RPS6KC1: variants seen among roughly 807,000 people sequenced by gnomAD.
RPS6KC1 encodes ribosomal protein S6 kinase C1, also known as inactive ribosomal protein S6 kinase delta-1.
A neutral mutation model predicts 103.8 loss-of-function variants in RPS6KC1; 54 were observed. The observed-to-expected ratio is 0.52, with a 90% CI of 0.42 to 0.65. The LOEUF is 0.65. RPS6KC1 is among the 30% of genes least tolerant of loss of function. The pLI is 0.00. For synonymous variants in RPS6KC1, 439 were observed against 438.7 expected, an observed-to-expected ratio of 1.00 and a Z score of -0.01; for missense variants, 1,151 against 1,253.8, an observed-to-expected ratio of 0.92 and a Z score of 1.24.
chr1:213,177,573 CA>C (rs1324942288), intron 8 of RPS6KC1, among the ~76,000 whole-genome samples: 1 of 152,136 alleles, frequency 6.6e-6, no homozygotes, highest in Non-Finnish European at 1.5e-5. Context: ...TCATTTTTCT[CA>C]AATTCATATT....
At chr1:213,542,623 C>G in the RPS6KC1 span, among the ~76,000 whole-genome samples, 2 of 152,184 alleles carry the variant, frequency 1.3e-5, no homozygotes, top group Non-Finnish European at 2.9e-5. Flanking sequence ...CATGAAAAAA[C>G]TAGGCATACT....
the RPS6KC1 span, among the ~76,000 whole-genome samples, chr1:213,385,864 A>G: frequency 6.6e-6 from 1 of 152,196 alleles, no homozygotes; most frequent in African/African-American, 2.4e-5. Flanking sequence ...GTGGCCTTCC[A>G]GGAAGACAGT....
At chr1:213,438,880 G>C in the RPS6KC1 span, among the ~76,000 whole-genome samples, 2 of 144,888 alleles carry the variant, frequency 1.4e-5, no homozygotes, top group African/African-American at 5.1e-5. Flanking sequence ...TGCAAGCTCC[G>C]CCTCCCGGGT....
At chr1:213,811,824 A>G in the RPS6KC1 span, among the ~76,000 whole-genome samples, 1 of 152,214 alleles carries the variant, frequency 6.6e-6, no homozygotes, top group African/African-American at 2.4e-5. Flanking sequence ...CTCTGTAGGA[A>G]ATGAGGAGCC....
the RPS6KC1 span, among the ~76,000 whole-genome samples, chr1:213,376,311 T>C: frequency 6.6e-6 from 1 of 152,214 alleles, no homozygotes; most frequent in African/African-American, 2.4e-5. Context: ...AAAATCTTTG[T>C]AAATTGCATT....
At chr1:213,705,553 A>T in the RPS6KC1 span, among the ~76,000 whole-genome samples, 1 of 152,346 alleles carries the variant, frequency 6.6e-6, no homozygotes, top group South Asian at 2.1e-4. Flanking sequence ...AGGTCCAGGA[A>T]TGCCATCCAA....
intron 6 of RPS6KC1, among the ~76,000 whole-genome samples, chr1:213,138,721 G>A (rs2086666948): frequency 6.6e-6 from 1 of 152,174 alleles, no homozygotes; most frequent in Admixed American, 6.5e-5. Context: ...GTATTCTGTA[G>A]TATATCTGTA....
the RPS6KC1 span, among the ~76,000 whole-genome samples, chr1:213,399,680 C>T: frequency 2.6e-5 from 4 of 152,114 alleles, no homozygotes; most frequent in African/African-American, 9.7e-5. Flanking sequence ...CCAGACCATC[C>T]TGCTCTTTCA....
At chr1:213,171,421 C>A (rs2091468735) in intron 7 of RPS6KC1, among the ~76,000 whole-genome samples, 1 of 150,646 alleles carries the variant, frequency 6.6e-6, no homozygotes, top group South Asian at 2.1e-4. Context: ...AAGAAGCTTT[C>A]CCTGGAAAAG....
intron 1 of RPS6KC1, among the ~76,000 whole-genome samples, chr1:213,056,886 A>G (rs145761531): frequency 1.4e-4 from 20 of 138,240 alleles, no homozygotes; most frequent in Admixed American, 8.4e-4. Flanking sequence ...GTTGCTCTCT[A>G]TATGTCTTGT....
At chr1:213,831,029 G>T in the RPS6KC1 span, among the ~76,000 whole-genome samples, 2 of 152,136 alleles carry the variant, frequency 1.3e-5, no homozygotes, top group African/African-American at 4.8e-5. Context: ...TAAAGTTCCT[G>T]CATGCCAGAG....
At chr1:213,504,773 T>C in the RPS6KC1 span, among the ~76,000 whole-genome samples, 2 of 152,174 alleles carry the variant, frequency 1.3e-5, no homozygotes, top group Non-Finnish European at 2.9e-5. Context: ...GGGCAACTTG[T>C]TTTTTTCCCC....
At chr1:213,664,699 C>T in the RPS6KC1 span, among the ~76,000 whole-genome samples, 2 of 152,194 alleles carry the variant, frequency 1.3e-5, no homozygotes, top group Non-Finnish European at 2.9e-5. Context: ...ATGCCCCTGC[C>T]TGGTCCATGT....
chr1:213,081,908 T>G (rs2079927155), intron 3 of RPS6KC1, among the ~76,000 whole-genome samples: 1 of 152,164 alleles, frequency 6.6e-6, no homozygotes, highest in African/African-American at 2.4e-5. Flanking sequence ...ATGAGGGGCC[T>G]GAGCTAGAGC....
chr1:213,775,554 T>A, the RPS6KC1 span, among the ~76,000 whole-genome samples: 1 of 152,222 alleles, frequency 6.6e-6, no homozygotes, highest in South Asian at 2.1e-4. Flanking sequence ...AATACCTTAA[T>A]TTTAAAATAC....
chr1:213,813,076 C>A, the RPS6KC1 span, among the ~76,000 whole-genome samples: 95 of 152,142 alleles, frequency 6.2e-4, 4 homozygotes, highest in South Asian at 0.02. Context: ...CATGGTGAAA[C>A]CCCGTCTCTA....
the RPS6KC1 span, among the ~76,000 whole-genome samples, chr1:213,578,012 G>T: frequency 6.6e-6 from 1 of 152,210 alleles, no homozygotes; most frequent in African/African-American, 2.4e-5. Context: ...CCCCAAGCTG[G>T]GGGGCCTAGT....
intron 5 of RPS6KC1, among the ~76,000 whole-genome samples, chr1:213,121,065 C>G (rs948707486): frequency 6.6e-6 from 1 of 152,122 alleles, no homozygotes; most frequent in African/African-American, 2.4e-5. Flanking sequence ...GTAGCTGGGA[C>G]TACAGGCAGG....
chr1:213,704,469 G>T, the RPS6KC1 span, among the ~76,000 whole-genome samples: 1 of 148,980 alleles, frequency 6.7e-6, no homozygotes, highest in Non-Finnish European at 1.5e-5. Flanking sequence ...ATTTCTGTTT[G>T]GTCTTTTAAA....
Sources: allele counts gnomAD v4.1 joint callset (sites outside exome capture counted in the v4.1 genomes callset), GRCh38; gene constraint gnomAD v4.1.1; transcripts MANE v1.5; gene names NCBI Gene and HGNC (gene_info 2026-07-23, HGNC 2026-07-21).